Variants in ATP2C1 observed in about 807,000 individuals in gnomAD.
ATP2C1 encodes ATPase secretory pathway Ca2+ transporting 1.
ATP2C1 carries 31 observed loss-of-function variants against 120.5 expected under a neutral mutation model. The ratio of observed to expected loss-of-function variants is 0.26; its 90% CI spans 0.19 to 0.35. The LOEUF is 0.35. Ranked by LOEUF, ATP2C1 falls within the 10% of genes least tolerant of loss-of-function variation. The pLI is 1.00. For missense variants in ATP2C1, 731 were observed against 1,107.5 expected (o/e 0.66, Z 4.83); for synonymous variants, 351 against 358.7 (o/e 0.98, Z 0.24).
chr3:130,990,822 A>G (rs1220772257), intron 20 of ATP2C1, among the ~76,000 whole-genome samples: 2 of 152,168 alleles, frequency 1.3e-5, no homozygotes, highest in African/African-American at 2.4e-5. Flanking sequence ...TTGTTGGCAC[A>G]TAAGAAAAAT....
At chr3:130,863,179 G>A (rs1469804815) in intron 1 of ATP2C1, among the ~76,000 whole-genome samples, 3 of 152,084 alleles carry the variant, frequency 2.0e-5, no homozygotes, top group African/African-American at 7.2e-5. Flanking sequence ...CCTATTCTGA[G>A]CAGCTTCAGC....
At chr3:130,920,149 GTTAA>G (rs1390627642) in intron 2 of ATP2C1, among the ~76,000 whole-genome samples, 1 of 152,126 alleles carries the variant, frequency 6.6e-6, no homozygotes, top group Non-Finnish European at 1.5e-5. Context: ...CTTTTACTCT[GTTAA>G]TTGTTTCTTT....
chr3:130,914,059 C>T (rs1383802320), intron 2 of ATP2C1, among the ~76,000 whole-genome samples: 2 of 152,180 alleles, frequency 1.3e-5, no homozygotes, highest in South Asian at 4.1e-4. Flanking sequence ...TCTTTCCCTC[C>T]TCCTCCTCCT....
Position 131,001,254 on chromosome 3 carries a change from G to A in ATP2C1, c.2664G>A (p.Val888=), listed in dbSNP as rs114499538. The A allele has an allele frequency of 7.4e-6, 12 of 1,613,812 alleles. No individual in the cohort carries two copies. The African/African-American group carries it at 1.6e-4, about 22-fold the overall frequency. The change falls in exon 28 of 28, where the codon GTG becomes GTA. Residue 888 remains valine (V), a synonymous_variant. Transcript: ENST00000510168. ...TTCTTTTGGGTCTCACCTCATCAGT[G>A]TGCATAGTGGCAGAAATTATAAAGA... ...LLFLLGLTSS[V]CIVAEIIKKV...
chr3:130,950,940 C>T (rs1021836887), intron 8 of ATP2C1, among the ~76,000 whole-genome samples: 4 of 152,086 alleles, frequency 2.6e-5, no homozygotes, highest in Admixed American at 1.3e-4. Flanking sequence ...TTAAGATTTA[C>T]ATTTAAAGCA....
chr3:130,981,545 A>G (rs2061764560), intron 20 of ATP2C1, among the ~76,000 whole-genome samples: 1 of 152,204 alleles, frequency 6.6e-6, no homozygotes, highest in African/African-American at 2.4e-5. Context: ...TTTGCATGAA[A>G]ATACATTTTC....
exon 27 of ATP2C1, chr3:131,016,349 G>T (rs1332890057): frequency 2.5e-6 from 4 of 1,613,846 alleles, no homozygotes; most frequent in South Asian, 1.1e-5. Flanking sequence ...CCTAAATAAA[G>T]AAACAGCCCA....
rs2062873912 is a variant in ATP2C1, at chr3:131,001,274, T to C, written c.2684T>C (p.Ile895Thr). Residue 895 changes from isoleucine to threonine, a missense_variant, in exon 28 of 28, where the codon ATA (isoleucine) becomes ACA (threonine). Transcript: ENST00000510168. ...TCAGTGTGCATAGTGGCAGAAATTA[T>C]AAAGAAGGTTGAAAGGAGCAGGGAA... Reference protein sequence around the residue: ...TSSVCIVAEIIKKVERSREKI... With the variant: ...TSSVCIVAEITKKVERSREKI... 1 of 1,613,822 alleles carries C rather than the reference T, an allele frequency of 6.2e-7. No individual in the cohort carries two copies. Among genetic ancestry groups the C allele is most frequent in the Non-Finnish European group, 8.5e-7 (1 of 1,179,928 alleles).
chr3:130,927,504 G>A (rs1478833234), intron 2 of ATP2C1, among the ~76,000 whole-genome samples: 1 of 152,132 alleles, frequency 6.6e-6, no homozygotes, highest in South Asian at 2.1e-4. Flanking sequence ...GCCTCCCAAA[G>A]TGCTGGGATT....
intron 17 of ATP2C1, among the ~76,000 whole-genome samples, chr3:130,970,749 T>C (rs2061274465): frequency 6.6e-6 from 1 of 152,136 alleles, no homozygotes; most frequent in Non-Finnish European, 1.5e-5. Flanking sequence ...TATATGTTTT[T>C]ACCTATGAGC....
intron 26 of ATP2C1, chr3:131,015,831 G>A: frequency 2.3e-6 from 1 of 444,024 alleles, no homozygotes; most frequent in Non-Finnish European, 4.1e-6. Context: ...AGACTGAGAG[G>A]AAAGGAGAGA....
intron 1 of ATP2C1, among the ~76,000 whole-genome samples, chr3:130,873,684 C>T (rs1343083558): frequency 1.3e-5 from 2 of 152,020 alleles, no homozygotes; most frequent in African/African-American, 4.8e-5. Context: ...GATGTGCAAA[C>T]CACAAAATAA....
At chr3:130,955,194 G>T (rs545120758) in intron 10 of ATP2C1, 114 bp downstream of exon 10, 2 of 768,522 alleles carry the variant, frequency 2.6e-6, no homozygotes, top group African/African-American at 1.7e-5. Flanking sequence ...TATTCAGAAT[G>T]GAAATCAGTT....
At chr3:130,858,904 C>T (rs1290412955) in intron 1 of ATP2C1, among the ~76,000 whole-genome samples, 2 of 152,096 alleles carry the variant, frequency 1.3e-5, no homozygotes, top group Admixed American at 6.6e-5. Flanking sequence ...AGGAAATAAC[C>T]ATGACCAATG....
chr3:130,911,669 A>G (rs1220690456), intron 2 of ATP2C1, among the ~76,000 whole-genome samples: 1 of 152,194 alleles, frequency 6.6e-6, no homozygotes, highest in Non-Finnish European at 1.5e-5. Flanking sequence ...GAAAATGGCC[A>G]TACTGCCCAA....
chr3:130,941,723 T>G (rs1036577621), intron 8 of ATP2C1, 24 bp downstream of exon 8: 9 of 1,516,066 alleles, frequency 5.9e-6, no homozygotes, highest in East Asian at 4.5e-5. Context: ...CTGATTGTAA[T>G]AAGTGAAAAT....
intron 8 of ATP2C1, among the ~76,000 whole-genome samples, chr3:130,942,767 T>C (rs2059977855): frequency 6.6e-6 from 1 of 152,242 alleles, no homozygotes; most frequent in Admixed American, 6.5e-5. Context: ...GTCTTTTTAA[T>C]GTTAATTCTT....
In ATP2C1 at chr3:130,996,400, A is replaced by G. The variant is rs553554919; in HGVS notation, c.2127-280A>G. 5.2e-6 allele frequency: 3 copies of G among 573,848 alleles called. No individual in the cohort carries two copies. In the African/African-American group the frequency reaches 5.6e-5, roughly 11 times the overall value. 35.5% of individuals were successfully genotyped at this position (573,848 alleles called of 1,614,324 possible). A position where few individuals can be genotyped will look rare whatever the true frequency, so the allele number is the denominator to read the frequency against. On this transcript the variant is annotated intron_variant, in intron 23 of 27. Transcript: ENST00000510168. ...CTTGGTATCTTTTTCCAAAAGTAGA[A>G]GGGGTATTGTGTAGTCAAAGAACAG... is the stretch of plus-strand genomic sequence containing the variant.
intron 2 of ATP2C1, among the ~76,000 whole-genome samples, chr3:130,906,313 A>G (rs1011206529): frequency 6.6e-6 from 1 of 152,078 alleles, no homozygotes; most frequent in Admixed American, 6.6e-5. Flanking sequence ...GGTATTTCAT[A>G]TAAATTGAAT....
Sources: allele counts gnomAD v4.1 joint callset (sites outside exome capture counted in the v4.1 genomes callset), GRCh38; gene constraint gnomAD v4.1.1; transcripts MANE v1.5; gene names NCBI Gene and HGNC (gene_info 2026-07-23, HGNC 2026-07-21).